The following FAM3B variants were observed in gnomAD, a reference collection of about 807,000 sequenced individuals.
The protein encoded by FAM3B is protein FAM3B.
FAM3B carries 29 observed loss-of-function variants against 28.4 expected under a neutral mutation model. That is an observed-to-expected ratio of 1.02 (90% CI 0.76 to 1.39). The LOEUF (loss-of-function observed/expected upper bound fraction) is 1.39, where lower values mean the gene tolerates loss of function less well. FAM3B is among the 40% of genes most tolerant of loss of function. FAM3B has a pLI of 0.00. For synonymous variants in FAM3B, 91 were observed against 103.0 expected (o/e 0.88, Z 0.71); for missense variants, 266 against 293.9 (o/e 0.91, Z 0.69).
At chr21:41,325,859 C>T (rs2088850643) in intron 2 of FAM3B, among the ~76,000 whole-genome samples, 1 of 152,214 alleles carries the variant, frequency 6.6e-6, no homozygotes, top group African/African-American at 2.4e-5. Context: ...ATTGCTGTCG[C>T]TACTTTCAGA....
chr21:41,354,026 A>G (rs968080516), intron 7 of FAM3B, among the ~76,000 whole-genome samples: 11 of 152,238 alleles, frequency 7.2e-5, no homozygotes, highest in Admixed American at 5.2e-4. Flanking sequence ...GCCAACAAGC[A>G]TATGAAAAAA....
intron 2 of FAM3B, among the ~76,000 whole-genome samples, chr21:41,337,826 C>T (rs1476552731): frequency 6.6e-6 from 1 of 150,968 alleles, no homozygotes; most frequent in East Asian, 1.9e-4. Flanking sequence ...GTGTGTGATA[C>T]ATCATGTGGT....
intron 3 of FAM3B, among the ~76,000 whole-genome samples, chr21:41,339,586 G>A (rs751540062): frequency 1.3e-5 from 2 of 152,090 alleles, no homozygotes; most frequent in Admixed American, 6.5e-5. Flanking sequence ...TAAGTTCTTC[G>A]ATTTTACATT....
intron 2 of FAM3B, among the ~76,000 whole-genome samples, chr21:41,324,748 AAATCAT>A (rs1334523377): frequency 1.3e-5 from 2 of 152,230 alleles, no homozygotes; most frequent in Non-Finnish European, 2.9e-5. Flanking sequence ...CTTAAAAGCC[AAATCAT>A]AATGTTAGGA....
At chr21:41,336,614 C>T (rs1477751312) in intron 2 of FAM3B, among the ~76,000 whole-genome samples, 1 of 152,200 alleles carries the variant, frequency 6.6e-6, no homozygotes, top group Non-Finnish European at 1.5e-5. Flanking sequence ...CAGACTAAGA[C>T]AAAATTTAAT....
intron 7 of FAM3B, among the ~76,000 whole-genome samples, chr21:41,350,388 G>A (rs1374439940): frequency 6.6e-6 from 1 of 152,186 alleles, no homozygotes; most frequent in East Asian, 1.9e-4. Context: ...CTAACCCTCT[G>A]TGCTCAGAAT....
At chr21:41,331,401 G>C (rs1235344334) in intron 2 of FAM3B, among the ~76,000 whole-genome samples, 1 of 152,068 alleles carries the variant, frequency 6.6e-6, no homozygotes, top group East Asian at 1.9e-4. Context: ...TCTTCACTCC[G>C]CTGATTGTTT....
At position 41,347,025 on chromosome 21, in the gene FAM3B, C is replaced by T. The variant is rs139452370; in HGVS notation, c.410C>T (p.Pro137Leu). The stretch of plus-strand genomic sequence containing the variant: ...CATCCCCCAATAGATAACTCTGGAC[C>T]GATGACAAAGTTTATTCAGAGTGCT... ...FDMYEGDNSGPMTKFIQSAAP... is the reference protein window; with the variant it reads ...FDMYEGDNSGLMTKFIQSAAP... The change falls in exon 6 of 8, where the codon CCG becomes CTG. Residue 137 changes from proline (P) to leucine (L), a missense_variant. By Grantham distance (98) the Pro-to-Leu change is moderately conservative. Transcript: ENST00000357985. The T allele has an allele frequency of 4.6e-5, 75 of 1,614,038 alleles. No homozygotes were observed. The Middle Eastern group carries it at 4.9e-4, about 11-fold the overall frequency.
intron 2 of FAM3B, among the ~76,000 whole-genome samples, chr21:41,329,509 G>C (rs1441674491): frequency 1.3e-5 from 2 of 152,068 alleles, no homozygotes; most frequent in African/African-American, 2.4e-5. Flanking sequence ...CACAGAGCAA[G>C]AGTAGAGGTG....
At chr21:41,350,042 C>T (rs2089102889) in intron 7 of FAM3B, among the ~76,000 whole-genome samples, 1 of 152,190 alleles carries the variant, frequency 6.6e-6, no homozygotes, top group Admixed American at 6.5e-5. Context: ...GCTCCTTGGG[C>T]CCCACCACTG....
At chr21:41,332,501 T>G (rs1429591745) in intron 2 of FAM3B, among the ~76,000 whole-genome samples, 1 of 152,236 alleles carries the variant, frequency 6.6e-6, no homozygotes, top group African/African-American at 2.4e-5. Context: ...GTAGTGCCCT[T>G]GTCTGGCTTT....
In FAM3B at chr21:41,357,239, G is replaced by A; in HGVS notation, c.*42G>A. The A allele has an allele frequency of 7.2e-7, 1 of 1,382,276 alleles. No homozygotes were observed. Among genetic ancestry groups the A allele is most frequent in the Non-Finnish European group, 1.0e-6 (1 of 987,718 alleles). The allele number at this position is 1,382,276 out of a possible 1,614,324, so 85.6% of individuals were successfully genotyped here. On this transcript the variant is annotated 3_prime_UTR_variant, in exon 8 of 8. Coordinates refer to ENST00000357985, the MANE Select transcript of FAM3B (RefSeq NM_058186.4). ...GTAAATGTGTTCTGTATAAACAAAT[G>A]CAGCTGGAATCGCTCAAGAATCTTA...
intron 3 of FAM3B, among the ~76,000 whole-genome samples, chr21:41,344,025 T>C (rs568189577): frequency 6.6e-6 from 1 of 152,204 alleles, no homozygotes; most frequent in Admixed American, 6.5e-5. Flanking sequence ...GAGGCTGAGA[T>C]GGAAGGATTG....
At chr21:41,343,994 C>T (rs958706037) in intron 3 of FAM3B, among the ~76,000 whole-genome samples, 1 of 152,142 alleles carries the variant, frequency 6.6e-6, no homozygotes, top group Admixed American at 6.5e-5. Context: ...GTGGTGCACG[C>T]TTGTACTTCC....
intron 5 of FAM3B, chr21:41,346,284 AAAAC>A (rs1226171804): frequency 6.5e-6 from 1 of 153,048 alleles, no homozygotes; most frequent in Non-Finnish European, 1.5e-5. Context: ...GAGACTTTCA[AAAAC>A]AAGTTTTTAT....
At chr21:41,304,717 A>T (rs1479708283) in intron 1 of FAM3B, among the ~76,000 whole-genome samples, 7 of 152,190 alleles carry the variant, frequency 4.6e-5, no homozygotes. Flanking sequence ...TCCAGAACCT[A>T]CTTCAGGGGG....
At chr21:41,324,138 A>G (rs1322029643) in intron 2 of FAM3B, among the ~76,000 whole-genome samples, 1 of 152,154 alleles carries the variant, frequency 6.6e-6, no homozygotes, top group Non-Finnish European at 1.5e-5. Flanking sequence ...GTTCCAACAT[A>G]TGAATTTCAG....
At chr21:41,327,774 G>T (rs1276234494) in intron 2 of FAM3B, among the ~76,000 whole-genome samples, 1 of 152,120 alleles carries the variant, frequency 6.6e-6, no homozygotes, top group Non-Finnish European at 1.5e-5. Flanking sequence ...ATCTTCCCTT[G>T]CTACCTCTTG....
chr21:41,316,965 T>C (rs2123689607), intron 1 of FAM3B, 67 bp downstream of exon 1: 1 of 1,231,972 alleles, frequency 8.1e-7, no homozygotes, highest in Non-Finnish European at 1.0e-6. Context: ...GAAGCGTCGC[T>C]CCCCAACCCT....
Sources: gnomAD v4.1 joint callset for allele counts (sites outside exome capture counted in the v4.1 genomes callset) on GRCh38, gnomAD v4.1.1 for gene constraint, MANE v1.5 for transcripts, NCBI Gene and HGNC (gene_info 2026-07-23, HGNC 2026-07-21) for gene names.